Variants in SLC34A2 observed in about 807,000 individuals in gnomAD.
SLC34A2 encodes the protein solute carrier family 34 member 2, also known as sodium-dependent phosphate transport protein 2B.
In SLC34A2, 41 loss-of-function variants were observed where a neutral mutation model predicts 50.8. That is an observed-to-expected ratio of 0.81 (90% CI 0.63 to 1.05). The LOEUF (loss-of-function observed/expected upper bound fraction) is 1.05, where lower values mean the gene tolerates loss of function less well. SLC34A2 is among the 50% of genes least tolerant of loss of function. The pLI is 0.00. For missense variants in SLC34A2, 879 were observed against 876.7 expected, an observed-to-expected ratio of 1.00 and a Z score of -0.03; for synonymous variants, 401 against 364.2, an observed-to-expected ratio of 1.10 and a Z score of -1.15.
chr4:25,664,405 C>A (rs1714379834), intron 4 of SLC34A2, 75 bp downstream of exon 4: 1 of 1,534,408 alleles, frequency 6.5e-7, no homozygotes. Flanking sequence ...TAAAACTCAG[C>A]AAGCCCTCTC....
At chr4:25,665,644 C>T (rs2109052094) in intron 4 of SLC34A2, among the ~76,000 whole-genome samples, 2 of 152,234 alleles carry the variant, frequency 1.3e-5, no homozygotes, top group South Asian at 4.1e-4. Context: ...TCCCAGCATT[C>T]AATTACAGGC....
At chr4:25,669,895 C>A in intron 7 of SLC34A2, 53 bp downstream of exon 7, 1 of 1,441,694 alleles carries the variant, frequency 6.9e-7, no homozygotes, top group Non-Finnish European at 9.8e-7. Flanking sequence ...CCCACAACAT[C>A]CCCTACCTGA....
intron 1 of SLC34A2, among the ~76,000 whole-genome samples, chr4:25,661,796 G>T (rs1225756504): frequency 2.6e-5 from 4 of 152,166 alleles, no homozygotes; most frequent in Non-Finnish European, 4.4e-5. Context: ...AGAAGTAGAT[G>T]GGGTTCCATT....
intron 8 of SLC34A2, 42 bp downstream of exon 8, chr4:25,670,875 T>G: frequency 6.8e-7 from 1 of 1,470,542 alleles, no homozygotes. Flanking sequence ...AGTGAACCTT[T>G]GCATCTGAAC....
chr4:25,663,146 G>C (rs570698660), intron 3 of SLC34A2, among the ~76,000 whole-genome samples: 184 of 152,118 alleles, frequency 1.2e-3, no homozygotes, highest in African/African-American at 4.2e-3. Context: ...AATAGAGATG[G>C]GGTTTCACCA....
In SLC34A2 at chr4:25,665,404, T is replaced by C. The variant is rs141788530; in HGVS notation, c.380-724T>C. 4.4e-3 allele frequency among the ~76,000 whole-genome samples: 666 copies of C among 152,070 alleles called. 4 individuals are homozygous for C. The highest frequency in any genetic ancestry group is 0.015 in the African/African-American group (633 of 41,496). On this transcript the variant is annotated intron_variant, in intron 4 of 12. Transcript: ENST00000382051. Reference sequence around the variant, plus strand: ...CTGGTCTGCAACTACTGACCTCAGTTGTTCCGCCCGTCCTCCGCCTCCCGA... The same window carrying C: ...CTGGTCTGCAACTACTGACCTCAGTCGTTCCGCCCGTCCTCCGCCTCCCGA...
intron 10 of SLC34A2, 145 bp downstream of exon 10, chr4:25,673,399 C>T: frequency 1.1e-6 from 1 of 874,354 alleles, no homozygotes; most frequent in South Asian, 1.5e-5. Context: ...ATGTCATTCA[C>T]CTGGAAATGT....
chr4:25,671,451 T>C, intron 8 of SLC34A2, 150 bp from the exon 9 acceptor site: 1 of 904,988 alleles, frequency 1.1e-6, no homozygotes, highest in South Asian at 1.4e-5. Context: ...AGGTGAGAAA[T>C]AAGTCTTCAA....
chr4:25,658,799 G>A (rs1047944893), intron 1 of SLC34A2, among the ~76,000 whole-genome samples: 1 of 152,194 alleles, frequency 6.6e-6, no homozygotes, highest in Non-Finnish European at 1.5e-5. Flanking sequence ...AAGGCTGGGA[G>A]AGAACAAGGC....
intron 5 of SLC34A2, 111 bp downstream of exon 5, chr4:25,666,382 C>A: frequency 8.0e-7 from 1 of 1,248,160 alleles, no homozygotes. Context: ...GCCTTGCCAC[C>A]ATTGTCTTGG....
intron 5 of SLC34A2, among the ~76,000 whole-genome samples, chr4:25,667,474 T>G (rs966712309): frequency 6.6e-6 from 1 of 152,218 alleles, no homozygotes; most frequent in African/African-American, 2.4e-5. Context: ...ATCGAGCCAC[T>G]GCTCTCCAGC....
Position 25,669,828 on chromosome 4 carries a change from A to G in SLC34A2, c.817A>G (p.Lys273Glu), listed in dbSNP as rs1714720345. The G allele has an allele frequency of 6.2e-7, 1 of 1,614,116 alleles. No individual in the cohort carries two copies. The highest frequency in any genetic ancestry group is 8.5e-7 in the Non-Finnish European group (1 of 1,179,998). The change falls in exon 7 of 13, where the codon AAG becomes GAG. Residue 273 changes from lysine (K) to glutamate (E), a missense_variant. Coordinates refer to ENST00000382051, the MANE Select transcript of SLC34A2 (RefSeq NM_006424.3). ...LLKVITKPFT[K>E]LIVQLDKKVI... Reference sequence around the variant, plus strand: ...GAAAGTCATCACTAAGCCCTTCACAAAGCTCATTGTCCAGGTAACTTAGCT... The same window carrying G: ...GAAAGTCATCACTAAGCCCTTCACAGAGCTCATTGTCCAGGTAACTTAGCT...
chr4:25,656,493 C>G (rs1713888403), intron 1 of SLC34A2: 1 of 152,218 alleles, frequency 6.6e-6, no homozygotes, highest in African/African-American at 2.4e-5. Flanking sequence ...CCGTGGCCAT[C>G]AGCGAAGGGT....
chr4:25,672,673 G>A (rs1714881317), intron 9 of SLC34A2, among the ~76,000 whole-genome samples: 1 of 151,998 alleles, frequency 6.6e-6, no homozygotes, highest in Non-Finnish European at 1.5e-5. Context: ...GTTTTGCTGG[G>A]ATTATCTGGG....
At position 25,664,890 on chromosome 4, in the gene SLC34A2, C is replaced by T. The variant is rs998800047; in HGVS notation, c.379+560C>T. On this transcript the variant is annotated intron_variant, in intron 4 of 12. Transcript: ENST00000382051. ...TGATGTCAGAAACAAACAAGCAGCA[C>T]TCCGTCTACTGGGTGCAGGCATTTT... is the stretch of plus-strand genomic sequence containing the variant. 2.6e-5 allele frequency: 6 copies of T among 232,898 alleles called. No individual in the cohort carries two copies. The Admixed American group carries it at 2.8e-4, about 11-fold the overall frequency. 14.4% of individuals were successfully genotyped at this position (232,898 alleles called of 1,614,324 possible).
chr4:25,659,195 C>A (rs780613726), intron 1 of SLC34A2, among the ~76,000 whole-genome samples: 2 of 151,974 alleles, frequency 1.3e-5, no homozygotes, highest in Non-Finnish European at 2.9e-5. Context: ...ATCCTGACAC[C>A]AGCTCCAGGT....
intron 3 of SLC34A2, among the ~76,000 whole-genome samples, chr4:25,663,622 T>G (rs1714327968): frequency 6.7e-6 from 1 of 149,516 alleles, no homozygotes; most frequent in Non-Finnish European, 1.5e-5. Flanking sequence ...GAGATTGGGG[T>G]GTGGGGTGGG....
intron 9 of SLC34A2, among the ~76,000 whole-genome samples, 170 bp from the exon 10 acceptor site, chr4:25,672,917 C>T (rs1389192279): frequency 6.6e-6 from 1 of 152,134 alleles, no homozygotes. Flanking sequence ...TCAGTGGTGC[C>T]CCTTGCTGCG....
In SLC34A2 at chr4:25,678,356, C is replaced by T. The variant is rs1181828821; in HGVS notation, c.*1607C>T. ...CTGCATGATTTGTGCTTCTAGTGCT[C>T]TCATTTGGAAATGAGGCAGGCTTCT... On this transcript the variant is annotated 3_prime_UTR_variant, in exon 13 of 13. Transcript: ENST00000382051. 1 of 155,898 alleles carries T rather than the reference C, an allele frequency of 6.4e-6. No homozygotes were observed. Among genetic ancestry groups the T allele is most frequent in the Non-Finnish European group, 1.4e-5 (1 of 70,148 alleles). 9.7% of individuals were successfully genotyped at this position (155,898 alleles called of 1,614,324 possible). A position where few individuals can be genotyped will look rare whatever the true frequency, so the allele number is the denominator to read the frequency against.
Sources: allele counts gnomAD v4.1 joint callset (sites outside exome capture counted in the v4.1 genomes callset), GRCh38; gene constraint gnomAD v4.1.1; transcripts MANE v1.5; gene names NCBI Gene and HGNC (gene_info 2026-07-23, HGNC 2026-07-21).